LARP1B: variants seen among roughly 807,000 people sequenced by gnomAD.
LARP1B encodes the protein La ribonucleoprotein 1B.
A neutral mutation model predicts 114.2 loss-of-function variants in LARP1B; 76 were observed. The ratio of observed to expected loss-of-function variants is 0.67; its 90% CI spans 0.55 to 0.81. The LOEUF is 0.81. Among genes scored for constraint, LARP1B ranks in the 30% least tolerant of loss-of-function variants. The pLI is 0.00. For synonymous variants in LARP1B, 345 were observed against 348.0 expected (o/e 0.99, Z 0.10); for missense variants, 1,014 against 1,075.8 (o/e 0.94, Z 0.80).
intron 15 of LARP1B, among the ~76,000 whole-genome samples, chr4:128,198,527 A>C (rs1159616011): frequency 6.6e-6 from 1 of 152,250 alleles, no homozygotes; most frequent in East Asian, 1.9e-4. Context: ...AGTCACAAGT[A>C]AGTAAAGTTT....
At chr4:128,123,683 A>G (rs1561316904) in intron 11 of LARP1B, 2 of 891,016 alleles carry the variant, frequency 2.2e-6, no homozygotes, top group Non-Finnish European at 2.7e-6. Context: ...GGGTAAATAA[A>G]TTATGGAGTA....
downstream of LARP1B, among the ~76,000 whole-genome samples, chr4:128,212,741 A>T (rs577659310): frequency 4.0e-4 from 61 of 152,280 alleles, no homozygotes; most frequent in South Asian, 0.012. Context: ...TACTGTCAAG[A>T]ACTCCTAGAA....
chr4:128,090,387 A>G (rs1775471368), intron 5 of LARP1B, among the ~76,000 whole-genome samples: 1 of 151,888 alleles, frequency 6.6e-6, no homozygotes, highest in South Asian at 2.1e-4. Flanking sequence ...ATGATTATTG[A>G]CCCATTGGTA....
intron 12 of LARP1B, among the ~76,000 whole-genome samples, chr4:128,163,729 C>T (rs1739519743): frequency 6.6e-6 from 1 of 152,070 alleles, no homozygotes; most frequent in African/African-American, 2.4e-5. Context: ...TCATTGTGAA[C>T]TCATAAATAC....
chr4:128,077,208 A>G (rs979559785), intron 3 of LARP1B, among the ~76,000 whole-genome samples: 1 of 152,180 alleles, frequency 6.6e-6, no homozygotes, highest in Non-Finnish European at 1.5e-5. Context: ...CCCATTTAAA[A>G]AAATGGAAGG....
intron 7 of LARP1B, among the ~76,000 whole-genome samples, chr4:128,094,382 T>TTTTTTC (rs1476118231): frequency 3.3e-5 from 5 of 151,040 alleles, no homozygotes; most frequent in Admixed American, 1.3e-4. Flanking sequence ...GGTTTTTTCC[T>TTTTTTC]TTTTTCTTTT....
At chr4:128,202,187 T>G (rs2150905807) in intron 17 of LARP1B, among the ~76,000 whole-genome samples, 2 of 152,348 alleles carry the variant, frequency 1.3e-5, no homozygotes, top group East Asian at 3.9e-4. Context: ...CTTTTAAGAT[T>G]TATACTCTTC....
chr4:128,094,137 G>A (rs1457145668), intron 7 of LARP1B, among the ~76,000 whole-genome samples: 2 of 151,550 alleles, frequency 1.3e-5, no homozygotes, highest in Admixed American at 1.3e-4. Flanking sequence ...ACGTTGGTCA[G>A]GCTGGTCTCG....
At chr4:128,161,071 T>C (rs189047646) in intron 11 of LARP1B, among the ~76,000 whole-genome samples, 28 of 152,330 alleles carry the variant, frequency 1.8e-4, no homozygotes, top group African/African-American at 6.7e-4. Flanking sequence ...TACCCATTAG[T>C]ACCATGTGGA....
intron 15 of LARP1B, among the ~76,000 whole-genome samples, chr4:128,183,428 A>G (rs1749235474): frequency 6.6e-6 from 1 of 152,228 alleles, no homozygotes; most frequent in Non-Finnish European, 1.5e-5. Flanking sequence ...AACAAAGTCT[A>G]TGTGACAGCA....
chr4:128,195,635 A>G (rs1411519716), intron 15 of LARP1B, among the ~76,000 whole-genome samples: 1 of 152,228 alleles, frequency 6.6e-6, no homozygotes. Flanking sequence ...TCAATAAATA[A>G]CTACATGAAT....
At chr4:128,087,409 T>C (rs773299993) in intron 5 of LARP1B, among the ~76,000 whole-genome samples, 1 of 152,156 alleles carries the variant, frequency 6.6e-6, no homozygotes, top group Non-Finnish European at 1.5e-5. Flanking sequence ...ATTTTAAATA[T>C]ACCTATGTAG....
intron 15 of LARP1B, among the ~76,000 whole-genome samples, chr4:128,198,367 C>T (rs1754943523): frequency 1.3e-5 from 2 of 152,154 alleles, no homozygotes; most frequent in Non-Finnish European, 2.9e-5. Flanking sequence ...TCTTGCAAAA[C>T]AAGCTTCCAT....
intron 16 of LARP1B, among the ~76,000 whole-genome samples, chr4:128,200,103 T>A (rs886938364): frequency 1.1e-4 from 17 of 152,086 alleles, no homozygotes; most frequent in East Asian, 3.9e-4. Flanking sequence ...GAAAAAAAAA[T>A]TTATTATACT....
In LARP1B at chr4:128,093,392, C is replaced by A. The variant is rs571148563; in HGVS notation, c.668+1880C>A. ...CGGGCGGATCACGAGGTCAGGAGATCGAGACCATCTTGGCTAACACAGTGA... is the reference window on the plus strand; with the variant it reads ...CGGGCGGATCACGAGGTCAGGAGATAGAGACCATCTTGGCTAACACAGTGA... On this transcript the variant is annotated intron_variant, in intron 7 of 19. Transcript: ENST00000326639. Among the ~76,000 whole-genome samples the A allele has an allele frequency of 1.8e-4, 27 of 152,086 alleles. No homozygotes were observed. The South Asian group carries it at 5.2e-3, about 29-fold the overall frequency.
chr4:128,061,173 C>G (rs1179177850), upstream of LARP1B: 1 of 152,100 alleles, frequency 6.6e-6, no homozygotes, highest in Admixed American at 6.6e-5. Context: ...GGGCGGCACC[C>G]GGGCGGGCGA....
rs1782605667 is a variant in LARP1B, at chr4:128,107,749, T to G, written c.988+436T>G. On this transcript the variant is annotated intron_variant, in intron 9 of 19. Transcript: ENST00000326639. ...TGGAAAGATAAAATGACCTGCATTC[T>G]AAATTAGAATTGGGGTTCTGTTTAA... is the stretch of plus-strand genomic sequence containing the variant. 3 of 1,485,222 alleles carry G rather than the reference T, an allele frequency of 2.0e-6. No individual in the cohort carries two copies. In the Admixed American group the frequency reaches 7.0e-5, roughly 35 times the overall value. 92.0% of individuals were successfully genotyped at this position (1,485,222 alleles called of 1,614,324 possible).
At chr4:128,159,866 CA>C (rs1341618800) in intron 11 of LARP1B, among the ~76,000 whole-genome samples, 1 of 152,094 alleles carries the variant, frequency 6.6e-6, no homozygotes, top group African/African-American at 2.4e-5. Flanking sequence ...AGTAAATATC[CA>C]ACAAAAATTT....
At chr4:128,208,920 T>C (rs1758318467) in intron 19 of LARP1B, among the ~76,000 whole-genome samples, 1 of 152,238 alleles carries the variant, frequency 6.6e-6, no homozygotes, top group Non-Finnish European at 1.5e-5. Flanking sequence ...ATTTATCTGT[T>C]ATTTAAACAT....
Sources: gnomAD v4.1 joint callset for allele counts (sites outside exome capture counted in the v4.1 genomes callset) on GRCh38, gnomAD v4.1.1 for gene constraint, MANE v1.5 for transcripts, NCBI Gene and HGNC (gene_info 2026-07-23, HGNC 2026-07-21) for gene names.